Variants in HGF observed in about 807,000 individuals in gnomAD.
HGF encodes the protein hepatocyte growth factor.
HGF carries 39 observed loss-of-function variants against 111.6 expected under a neutral mutation model. The ratio of observed to expected loss-of-function variants is 0.35; its 90% CI spans 0.27 to 0.46. The LOEUF (loss-of-function observed/expected upper bound fraction) is 0.46. Among genes scored for constraint, HGF ranks in the 20% least tolerant of loss-of-function variants. The pLI, the probability that HGF is intolerant of heterozygous loss-of-function variation, is 1.00. For synonymous variants in HGF, 285 were observed against 294.8 expected (o/e 0.97, Z 0.34); for missense variants, 735 against 910.5 (o/e 0.81, Z 2.48).
intron 13 of HGF, among the ~76,000 whole-genome samples, chr7:81,709,798 G>A (rs1041364678): frequency 6.6e-6 from 1 of 152,088 alleles, no homozygotes. Flanking sequence ...TAATATCCTA[G>A]ATTGGAAATT....
At chr7:81,708,017 CA>C (rs1452893085) in intron 13 of HGF, among the ~76,000 whole-genome samples, 9 of 152,166 alleles carry the variant, frequency 5.9e-5, no homozygotes, top group South Asian at 2.1e-4. Flanking sequence ...AGTACTAGTA[CA>C]TTTTTTTGAT....
chr7:81,766,110 A>G (rs959166798), intron 1 of HGF, among the ~76,000 whole-genome samples: 3 of 152,212 alleles, frequency 2.0e-5, no homozygotes, highest in South Asian at 4.1e-4. Context: ...AAACCTACAC[A>G]CAGAAAGTAG....
intron 15 of HGF, among the ~76,000 whole-genome samples, 174 bp downstream of exon 15, chr7:81,706,113 C>T (rs1210045968): frequency 6.6e-6 from 1 of 151,922 alleles, no homozygotes; most frequent in Non-Finnish European, 1.5e-5. Flanking sequence ...AAATACCTTT[C>T]TCTCTATACT....
At chr7:81,717,759 T>A (rs1054537655) in intron 10 of HGF, among the ~76,000 whole-genome samples, 2 of 152,112 alleles carry the variant, frequency 1.3e-5, no homozygotes, top group African/African-American at 4.8e-5. Flanking sequence ...ATACAAGTAT[T>A]TTTTTACATT....
chr7:81,761,664 C>T (rs369054923), intron 2 of HGF, among the ~76,000 whole-genome samples: 1 of 151,854 alleles, frequency 6.6e-6, no homozygotes, highest in Non-Finnish European at 1.5e-5. Flanking sequence ...GGAGACGATT[C>T]GAATGAAATT....
intron 7 of HGF, among the ~76,000 whole-genome samples, chr7:81,739,087 C>G (rs1294946884): frequency 6.6e-6 from 1 of 152,090 alleles, no homozygotes; most frequent in East Asian, 1.9e-4. Flanking sequence ...TGATCTTTCT[C>G]CTCAAATTAA....
intron 11 of HGF, among the ~76,000 whole-genome samples, chr7:81,713,989 C>CGTGTGTGTGTGTGTGTGTGTGTGT (rs10539468): frequency 2.1e-5 from 3 of 142,320 alleles, no homozygotes; most frequent in Non-Finnish European, 4.6e-5. Context: ...GGTGTGTGTG[C>CGTGTGTGTGTGTGTGTGTGTGTGT]GTGTGTGTGT....
intron 6 of HGF, 136 bp from the exon 7 acceptor site, chr7:81,743,607 A>G: frequency 1.4e-6 from 1 of 740,218 alleles, no homozygotes; most frequent in Non-Finnish European, 2.5e-6. Context: ...GTTTTGCCTT[A>G]CGAGGACTGC....
intron 5 of HGF, among the ~76,000 whole-genome samples, chr7:81,746,709 C>T (rs759882370): frequency 3.3e-5 from 5 of 151,836 alleles, no homozygotes; most frequent in Admixed American, 6.6e-5. Flanking sequence ...TCCTTTCTAA[C>T]GAGGGTGAAT....
intron 7 of HGF, among the ~76,000 whole-genome samples, chr7:81,730,111 T>A (rs533353019): frequency 8.5e-5 from 13 of 152,188 alleles, no homozygotes; most frequent in Non-Finnish European, 1.9e-4. Flanking sequence ...TATAAGTACA[T>A]ACAAAGTGGT....
intron 5 of HGF, chr7:81,750,966 T>C (rs918619029): frequency 4.1e-5 from 39 of 942,740 alleles, no homozygotes; most frequent in Admixed American, 6.2e-5. Context: ...GGGAACAGAA[T>C]ATGATATGGA....
intron 1 of HGF, among the ~76,000 whole-genome samples, chr7:81,765,614 T>C (rs1258248959): frequency 6.6e-6 from 1 of 152,160 alleles, no homozygotes; most frequent in Non-Finnish European, 1.5e-5. Context: ...AGCCAGTAAC[T>C]AATTACTCAA....
intron 8 of HGF, among the ~76,000 whole-genome samples, chr7:81,727,025 A>G (rs903216567): frequency 2.1e-5 from 3 of 143,208 alleles, no homozygotes; most frequent in Non-Finnish European, 3.0e-5. Flanking sequence ...CAAATGGACC[A>G]TTCGAAACTG....
intron 4 of HGF, chr7:81,756,130 A>G: frequency 1.4e-6 from 1 of 690,700 alleles, no homozygotes; most frequent in South Asian, 1.5e-5. Flanking sequence ...GAAGTTGTTA[A>G]AAGCGCAGGT....
rs1041659858 is a variant in HGF at position 81,700,209 on chromosome 7, T to A, written c.*2372A>T. On this transcript the variant is annotated 3_prime_UTR_variant, in exon 18 of 18. Coordinates refer to ENST00000222390, the MANE Select transcript of HGF (RefSeq NM_000601.6). The stretch of plus-strand genomic sequence containing the variant: ...GATTTATTCAGCAAAGAACACCTGG[T>A]AAATAGTGTCTTCCACCAGCAAATA... 6.6e-6 allele frequency: 1 copy of A among 151,638 alleles called. No individual in the cohort carries two copies. The highest frequency in any genetic ancestry group is 1.5e-5 in the Non-Finnish European group (1 of 67,678). 9.4% of individuals were successfully genotyped at this position (151,638 alleles called of 1,614,324 possible).
At chr7:81,732,124 T>C (rs566287812) in intron 7 of HGF, among the ~76,000 whole-genome samples, 1 of 152,296 alleles carries the variant, frequency 6.6e-6, no homozygotes, top group South Asian at 2.1e-4. Context: ...TCTTGATGAG[T>C]CCAGGTGTCA....
intron 1 of HGF, among the ~76,000 whole-genome samples, chr7:81,769,130 T>A (rs959827914): frequency 6.6e-6 from 1 of 152,054 alleles, no homozygotes; most frequent in Non-Finnish European, 1.5e-5. Context: ...CTTGCCCTGA[T>A]AACAAGAGAA....
intron 7 of HGF, among the ~76,000 whole-genome samples, chr7:81,738,464 G>T (rs1787905760): frequency 6.6e-6 from 1 of 152,088 alleles, no homozygotes; most frequent in Non-Finnish European, 1.5e-5. Context: ...CAGAATATTT[G>T]TGGGCTGATG....
At chr7:81,706,164 C>T (rs1583914674) in intron 15 of HGF, 123 bp downstream of exon 15, 1 of 834,722 alleles carries the variant, frequency 1.2e-6, no homozygotes, top group East Asian at 2.5e-5. Context: ...CATATATATA[C>T]AGCATGTAAC....
Sources: gnomAD v4.1 joint callset for allele counts (sites outside exome capture counted in the v4.1 genomes callset) on GRCh38, gnomAD v4.1.1 for gene constraint, MANE v1.5 for transcripts, NCBI Gene and HGNC (gene_info 2026-07-23, HGNC 2026-07-21) for gene names.